CLIC6: variants seen among roughly 807,000 people sequenced by gnomAD.
The protein encoded by CLIC6 is CLIC family member 6, also known as chloride intracellular channel protein 6.
In CLIC6, 39 loss-of-function variants were observed where a neutral mutation model predicts 49.2. The ratio of observed to expected loss-of-function variants is 0.79; its 90% confidence interval spans 0.61 to 1.04. CLIC6 has a LOEUF of 1.04. Ranked by LOEUF, CLIC6 falls within the 50% of genes least tolerant of loss-of-function variation. CLIC6 has a pLI of 0.00. For synonymous variants in CLIC6, 446 were observed against 433.4 expected (o/e 1.03, Z -0.36); for missense variants, 988 against 993.1 (o/e 0.99, Z 0.07).
In CLIC6 at chr21:34,708,727, C is replaced by T. The variant is rs778744495; in HGVS notation, c.1638C>T (p.Pro546=). The change falls in exon 4 of 6, where the codon CCC becomes CCT. Residue 546 remains proline, a synonymous_variant. Transcript: ENST00000349499. ...PRYPKLGTQH[P]ESNSAGNDVF... Reference sequence around the variant, plus strand: ...ATCCCAAGCTGGGGACCCAACATCCCGAATCTAATTCCGCAGGAAATGACG... The same window carrying T: ...ATCCCAAGCTGGGGACCCAACATCCTGAATCTAATTCCGCAGGAAATGACG... 8 of 1,613,942 alleles carry T rather than the reference C, an allele frequency of 5.0e-6. No individual in the cohort carries two copies. Among genetic ancestry groups the T allele is most frequent in the East Asian group, 2.2e-5 (1 of 44,898 alleles).
In CLIC6 at chr21:34,670,435, C is replaced by T; in HGVS notation, c.1047C>T (p.Asp349=). 1 of 1,464,558 alleles carries T rather than the reference C, an allele frequency of 6.8e-7. No homozygotes were observed. The highest frequency in any genetic ancestry group is 1.4e-5 in the South Asian group (1 of 70,346). The allele number at this position is 1,464,558 out of a possible 1,614,324, so 90.7% of individuals were successfully genotyped here. A position where few individuals can be genotyped will look rare whatever the true frequency, so the allele number is the denominator to read the frequency against. Residue 349 remains aspartate, a synonymous_variant, in exon 1 of 6, where the codon GAC becomes GAT. Transcript: ENST00000349499. ...GGTCCGAAGAAGCGGCCCCCGGGGA[C>T]GCAAGGGCAGACGCTGGCGAGGACA... ...VKGSEEAAPG[D]ARADAGEDRV... is the part of the protein sequence containing the mutation.
Position 34,708,088 on chromosome 21 carries a change from G to T in CLIC6, c.1610+19G>T. Reference sequence around the variant, plus strand: ...CCCCGAGGTAGGCCTCAGAAAACCAGTGTTCATAACTTGATTGTCACTTTC... The same window carrying T: ...CCCCGAGGTAGGCCTCAGAAAACCATTGTTCATAACTTGATTGTCACTTTC... On this transcript the variant is annotated intron_variant, in intron 3 of 5. Coordinates refer to ENST00000349499, the MANE Select transcript of CLIC6 (RefSeq NM_053277.3). The T allele has an allele frequency of 6.2e-7, 1 of 1,613,948 alleles. No homozygotes were observed. The highest frequency in any genetic ancestry group is 1.1e-5 in the South Asian group (1 of 91,058).
chr21:34,678,429 C>CT (rs1286185549), intron 1 of CLIC6, among the ~76,000 whole-genome samples: 1 of 148,210 alleles, frequency 6.7e-6, no homozygotes, highest in Non-Finnish European at 1.5e-5. Context: ...GAGACTCCAT[C>CT]TAAAAAAAAA....
At chr21:34,685,354 C>T (rs1157449034) in intron 1 of CLIC6, among the ~76,000 whole-genome samples, 4 of 152,168 alleles carry the variant, frequency 2.6e-5, no homozygotes, top group Non-Finnish European at 5.9e-5. Flanking sequence ...CTGTCCAAGA[C>T]GTCGGCACAT....
In CLIC6 at chr21:34,671,056, C is replaced by G. The variant is rs1989555856; in HGVS notation, c.1374+294C>G. Among the ~76,000 whole-genome samples, 4 of 149,318 alleles carry G rather than the reference C, an allele frequency of 2.7e-5. No individual in the cohort carries two copies. In the South Asian group the frequency reaches 8.5e-4, roughly 32 times the overall value. On this transcript the variant is annotated intron_variant, in intron 1 of 5. Coordinates refer to ENST00000349499, the MANE Select transcript of CLIC6 (RefSeq NM_053277.3). ...GTTGTGGGTTCAGCATCCCACTGTC[C>G]TTTGACCTGAACATCCTAACCAGCC...
At chr21:34,684,437 G>T (rs1468689363) in intron 1 of CLIC6, among the ~76,000 whole-genome samples, 1 of 152,226 alleles carries the variant, frequency 6.6e-6, no homozygotes, top group East Asian at 1.9e-4. Context: ...TGTCTATTTG[G>T]AAGATGAATC....
intron 5 of CLIC6, among the ~76,000 whole-genome samples, chr21:34,711,976 A>G (rs2056059554): frequency 6.6e-6 from 1 of 152,230 alleles, no homozygotes; most frequent in Non-Finnish European, 1.5e-5. Context: ...CCAGCGTAGC[A>G]TTGCAGAAAC....
chr21:34,708,106 T>C, intron 3 of CLIC6, 37 bp downstream of exon 3: 1 of 1,612,266 alleles, frequency 6.2e-7, no homozygotes, highest in East Asian at 2.2e-5. Flanking sequence ...AACTTGATTG[T>C]CACTTTCCCC....
intron 1 of CLIC6, 35 bp downstream of exon 1, chr21:34,670,797 CCCTTCCA>C (rs1568955095): frequency 6.4e-7 from 1 of 1,571,274 alleles, no homozygotes; most frequent in South Asian, 1.2e-5. Flanking sequence ...TAGGACGACC[CCCTTCCA>C]TTCGAGGTCT....
In CLIC6 at chr21:34,717,288, CT is replaced by C. The variant is rs1430670590; in HGVS notation, c.*808del. 1 of 152,214 alleles carries C rather than the reference CT, an allele frequency of 6.6e-6. No individual in the cohort carries two copies. The highest frequency in any genetic ancestry group is 2.4e-5 in the African/African-American group (1 of 41,444). The allele number at this position is 152,214 out of a possible 1,614,324, so 9.4% of individuals were successfully genotyped here. On this transcript the variant is annotated 3_prime_UTR_variant, in exon 6 of 6. Coordinates refer to ENST00000349499, the MANE Select transcript of CLIC6 (RefSeq NM_053277.3). ...GCAGGACTCTTAATATCTGCTGCAA[CT>C]TGGAGAACCTCCCTGCCCTGAAATG...
rs916018439 is a variant in CLIC6 at position 34,670,334 on chromosome 21, G to T, written c.946G>T (p.Gly316Trp). ...GGCCGAGGCAATTGAGGTCGCAGCC[G>T]GGGAGAGTGCGGGGCGCAGCCCCGG... ...PQAEAIEVAA[G>W]ESAGRSPGEL... The change falls in exon 1 of 6, where the codon GGG becomes TGG. Residue 316 changes from glycine (G) to tryptophan (W), a missense_variant. Gly to Trp is a radical substitution (Grantham distance 184). This residue lies in a region of CLIC6 where 647 missense variants were observed against 596.9 expected (regional missense o/e 1.08). Transcript: ENST00000349499. 2 of 1,451,296 alleles carry T rather than the reference G, an allele frequency of 1.4e-6. No individual in the cohort carries two copies. The highest frequency in any genetic ancestry group is 1.8e-6 in the Non-Finnish European group (2 of 1,103,052). 89.9% of individuals were successfully genotyped at this position (1,451,296 alleles called of 1,614,324 possible).
chr21:34,676,977 A>T lies in CLIC6; in HGVS notation c.1374+6215A>T, dbSNP rs188047791. Among the ~76,000 whole-genome samples the T allele has an allele frequency of 3.5e-3, 526 of 151,770 alleles. 5 individuals are homozygous for T. The highest frequency in any genetic ancestry group is 0.024 in the Middle Eastern group (7 of 294). On this transcript the variant is annotated intron_variant, in intron 1 of 5. Coordinates refer to ENST00000349499, the MANE Select transcript of CLIC6 (RefSeq NM_053277.3). ...TAAAGTGGGCCCTATATCTGGGCAT[A>T]GTTGGGGGAGACATTTTCTTCACAA...
intron 5 of CLIC6, among the ~76,000 whole-genome samples, chr21:34,711,860 C>T (rs1240557321): frequency 6.6e-6 from 1 of 152,162 alleles, no homozygotes; most frequent in Non-Finnish European, 1.5e-5. Context: ...AGCATCTCCA[C>T]CCCTCAAAAC....
At chr21:34,706,074 C>G (rs1259446939) in intron 1 of CLIC6, 6 of 684,568 alleles carry the variant, frequency 8.8e-6, no homozygotes, top group African/African-American at 1.8e-5. Context: ...TAAAGAAATA[C>G]CTGAGAGTGG....
intron 5 of CLIC6, among the ~76,000 whole-genome samples, chr21:34,715,411 C>T (rs970230514): frequency 6.6e-6 from 1 of 152,178 alleles, no homozygotes; most frequent in African/African-American, 2.4e-5. Context: ...AGGGAGAAGG[C>T]TCTGTGAAGA....
intron 5 of CLIC6, among the ~76,000 whole-genome samples, chr21:34,711,528 C>T (rs532036777): frequency 3.8e-4 from 57 of 148,308 alleles, no homozygotes; most frequent in Non-Finnish European, 5.8e-4. Flanking sequence ...AATAAACAAA[C>T]AAATAAATAA....
At chr21:34,705,259 C>A (rs890325192) in intron 1 of CLIC6, among the ~76,000 whole-genome samples, 1 of 152,106 alleles carries the variant, frequency 6.6e-6, no homozygotes, top group Non-Finnish European at 1.5e-5. Context: ...GAAAGTTCCA[C>A]GGTTTAAGAG....
chr21:34,709,505 C>T lies in CLIC6; in HGVS notation c.1866C>T (p.Asp622=). 6.2e-7 allele frequency: 1 copy of T among 1,614,010 alleles called. No individual in the cohort carries two copies. The highest frequency in any genetic ancestry group is 8.5e-7 in the Non-Finnish European group (1 of 1,179,868). ...FLDGDELTLA[D]CNLLPKLHII... ...ATGGGGACGAGCTGACGCTGGCTGA[C>T]TGCAACCTCTTACCCAAGCTCCATA... Residue 622 remains aspartate, a synonymous_variant, in exon 5 of 6, where the codon GAC becomes GAT. Coordinates refer to ENST00000349499, the MANE Select transcript of CLIC6 (RefSeq NM_053277.3).
chr21:34,687,621 A>G (rs1989906219), intron 1 of CLIC6, among the ~76,000 whole-genome samples: 1 of 152,238 alleles, frequency 6.6e-6, no homozygotes, highest in African/African-American at 2.4e-5. Context: ...ATTGAAAGCT[A>G]GGAGCAATGT....
Sources: allele counts gnomAD v4.1 joint callset (sites outside exome capture counted in the v4.1 genomes callset), GRCh38; gene constraint gnomAD v4.1.1; regional missense constraint gnomAD v4.1.1; transcripts MANE v1.5; gene names NCBI Gene and HGNC (gene_info 2026-07-23, HGNC 2026-07-21).